The following EPC2 variants were observed in gnomAD, a reference collection of about 807,000 sequenced individuals.
EPC2 encodes the protein enhancer of polycomb homolog 2.
Under a neutral mutation model 92.1 loss-of-function variants are expected in EPC2, and 14 were observed. The ratio of observed to expected loss-of-function variants is 0.15; its 90% confidence interval spans 0.10 to 0.24. EPC2 has a LOEUF of 0.24. EPC2 is among the 10% of genes least tolerant of loss of function. EPC2 has a pLI of 1.00. For missense variants in EPC2, 755 were observed against 971.5 expected (o/e 0.78, Z 2.96); for synonymous variants, 340 against 334.7 (o/e 1.02, Z -0.17).
chr2:148,665,560 A>G (rs1574568973), intron 1 of EPC2, among the ~76,000 whole-genome samples: 1 of 152,372 alleles, frequency 6.6e-6, no homozygotes, highest in African/African-American at 2.4e-5. Flanking sequence ...TGCATTATCA[A>G]GTGGTACAAG....
intron 1 of EPC2, among the ~76,000 whole-genome samples, chr2:148,685,753 T>C (rs4972292): frequency 0.96 from 146,648 of 152,318 alleles, 70,836 homozygotes; most frequent in Middle Eastern, 1. Flanking sequence ...GGCGACAGAG[T>C]GAGATTCCAT....
At chr2:148,712,441 A>G (rs920512449) in intron 2 of EPC2, among the ~76,000 whole-genome samples, 1 of 152,212 alleles carries the variant, frequency 6.6e-6, no homozygotes, top group South Asian at 2.1e-4. Context: ...ACAATGTGCC[A>G]CATAATGTTT....
At position 148,655,408 on chromosome 2, in the gene EPC2, T is replaced by A. The variant is rs545421033; in HGVS notation, c.153+10238T>A. 3.3e-5 allele frequency among the ~76,000 whole-genome samples: 5 copies of A among 152,314 alleles called. No individual in the cohort carries two copies. In the South Asian group the frequency reaches 1.0e-3, roughly 32 times the overall value. On this transcript the variant is annotated intron_variant, in intron 1 of 13. Coordinates refer to ENST00000258484, the MANE Select transcript of EPC2 (RefSeq NM_015630.4). Reference sequence around the variant, plus strand: ...ATAAATCAATTGTATTGAAATAAAGTTATCAAAATAAACAATTTTTAATAT... The same window carrying A: ...ATAAATCAATTGTATTGAAATAAAGATATCAAAATAAACAATTTTTAATAT...
At chr2:148,684,481 G>A (rs1419014331) in intron 1 of EPC2, among the ~76,000 whole-genome samples, 3 of 152,194 alleles carry the variant, frequency 2.0e-5, no homozygotes, top group Admixed American at 6.5e-5. Context: ...ATGGTTTCAG[G>A]TCAGTTGATT....
intron 1 of EPC2, among the ~76,000 whole-genome samples, chr2:148,657,787 T>G (rs1053619584): frequency 6.6e-6 from 1 of 152,168 alleles, no homozygotes; most frequent in South Asian, 2.1e-4. Flanking sequence ...CCATGATCCA[T>G]GCCTTTCTGC....
At chr2:148,649,922 G>C (rs1187832684) in intron 1 of EPC2, among the ~76,000 whole-genome samples, 1 of 152,082 alleles carries the variant, frequency 6.6e-6, no homozygotes, top group African/African-American at 2.4e-5. Context: ...ACTTAATTTG[G>C]TCTGACTTTT....
chr2:148,711,942 G>C (rs1196611179), intron 2 of EPC2, among the ~76,000 whole-genome samples: 2 of 152,014 alleles, frequency 1.3e-5, no homozygotes, highest in African/African-American at 4.8e-5. Context: ...ATCTTTCTCT[G>C]TTCCTTTAAT....
intron 1 of EPC2, among the ~76,000 whole-genome samples, chr2:148,684,002 TA>T (rs1681463270): frequency 6.6e-6 from 1 of 152,230 alleles, no homozygotes; most frequent in Non-Finnish European, 1.5e-5. Context: ...TGTTCCTTTT[TA>T]CCACATCCAC....
intron 3 of EPC2, among the ~76,000 whole-genome samples, chr2:148,753,283 T>C (rs1338140550): frequency 6.6e-6 from 1 of 152,186 alleles, no homozygotes; most frequent in Non-Finnish European, 1.5e-5. Context: ...GGACATGACA[T>C]TGTCATTAGC....
intron 3 of EPC2, among the ~76,000 whole-genome samples, chr2:148,747,269 C>A (rs942206985): frequency 2.6e-5 from 4 of 152,042 alleles, no homozygotes; most frequent in African/African-American, 9.7e-5. Flanking sequence ...CCTGGGTAAT[C>A]ATTTTCCATC....
chr2:148,732,807 A>G (rs1044006470), intron 2 of EPC2, among the ~76,000 whole-genome samples: 4 of 152,048 alleles, frequency 2.6e-5, no homozygotes, highest in African/African-American at 7.2e-5. Context: ...TTTTTTATAA[A>G]CCTGTATTTT....
chr2:148,768,336 T>C (rs1683454943), intron 7 of EPC2, among the ~76,000 whole-genome samples: 1 of 152,232 alleles, frequency 6.6e-6, no homozygotes, highest in African/African-American at 2.4e-5. Context: ...TCAGTGTATT[T>C]GTATATTATT....
chr2:148,769,773 A>G (rs925129606), intron 8 of EPC2, among the ~76,000 whole-genome samples: 34 of 152,202 alleles, frequency 2.2e-4, no homozygotes, highest in Admixed American at 1.6e-3. Flanking sequence ...TCACTCTCCA[A>G]GGTTCTCAAT....
chr2:148,745,994 G>C (rs185739866), intron 3 of EPC2, among the ~76,000 whole-genome samples: 1 of 152,020 alleles, frequency 6.6e-6, no homozygotes, highest in Non-Finnish European at 1.5e-5. Context: ...ATGTCTTGGA[G>C]CTGTCTTCAC....
At chr2:148,664,282 C>G (rs147061143) in intron 1 of EPC2, among the ~76,000 whole-genome samples, 1 of 152,104 alleles carries the variant, frequency 6.6e-6, no homozygotes, top group Middle Eastern at 3.4e-3. Context: ...GTGGATTGCT[C>G]GAGTCCAGGA....
intron 2 of EPC2, among the ~76,000 whole-genome samples, chr2:148,732,858 CTA>C (rs1050457126): frequency 2.0e-5 from 3 of 149,180 alleles, no homozygotes; most frequent in African/African-American, 7.4e-5. Flanking sequence ...TTAGGAATAT[CTA>C]TCATGTTATA....
intron 2 of EPC2, among the ~76,000 whole-genome samples, chr2:148,730,535 C>T (rs1233678488): frequency 6.6e-6 from 1 of 152,194 alleles, no homozygotes; most frequent in Non-Finnish European, 1.5e-5. Flanking sequence ...ACAAGCCCCA[C>T]CCCAAATCTA....
At chr2:148,781,942 C>T (rs1248318573) in intron 11 of EPC2, among the ~76,000 whole-genome samples, 162 bp downstream of exon 11, 1 of 152,142 alleles carries the variant, frequency 6.6e-6, no homozygotes, top group Non-Finnish European at 1.5e-5. Flanking sequence ...TTTTAAGTGA[C>T]TAGCTTATAA....
At chr2:148,772,259 TTTC>T (rs1172188596) in intron 10 of EPC2, among the ~76,000 whole-genome samples, 1 of 152,214 alleles carries the variant, frequency 6.6e-6, no homozygotes, top group Non-Finnish European at 1.5e-5. Context: ...TTTGATTTGT[TTTC>T]TTCTGTGGTC....
Sources: gnomAD v4.1 joint callset for allele counts (sites outside exome capture counted in the v4.1 genomes callset) on GRCh38, gnomAD v4.1.1 for gene constraint, MANE v1.5 for transcripts, NCBI Gene and HGNC (gene_info 2026-07-23, HGNC 2026-07-21) for gene names.